HS2ST1: variants seen among roughly 807,000 people sequenced by gnomAD.
HS2ST1 encodes the protein 2-O-sulfotransferase.
Under a neutral mutation model 42.9 loss-of-function variants are expected in HS2ST1, and 18 were observed. The ratio of observed to expected loss-of-function variants is 0.42; its 90% CI spans 0.29 to 0.62. The LOEUF (loss-of-function observed/expected upper bound fraction) is 0.62. Among genes scored for constraint, HS2ST1 ranks in the 20% least tolerant of loss-of-function variants. The pLI is 0.21. For synonymous variants in HS2ST1, 146 were observed against 152.9 expected, an observed-to-expected ratio of 0.95 and a Z score of 0.33; for missense variants, 334 against 433.8, an observed-to-expected ratio of 0.77 and a Z score of 2.04.
intron 1 of HS2ST1, among the ~76,000 whole-genome samples, chr1:86,949,131 T>A (rs1647425822): frequency 6.6e-6 from 1 of 152,178 alleles, no homozygotes; most frequent in Non-Finnish European, 1.5e-5. Flanking sequence ...TATTTTAAGA[T>A]GGAGTCTTGC....
At chr1:86,987,367 C>T (rs1648818993) in intron 1 of HS2ST1, among the ~76,000 whole-genome samples, 1 of 152,084 alleles carries the variant, frequency 6.6e-6, no homozygotes, top group Non-Finnish European at 1.5e-5. Context: ...AGCCACCATG[C>T]CTGGCCCAAC....
At chr1:86,915,977 C>A (rs962406885) in intron 1 of HS2ST1, among the ~76,000 whole-genome samples, 1 of 152,076 alleles carries the variant, frequency 6.6e-6, no homozygotes, top group Non-Finnish European at 1.5e-5. Flanking sequence ...TAGGATTATG[C>A]GGAAAGCTAA....
At chr1:87,102,357 C>T (rs1652234015) in intron 5 of HS2ST1, among the ~76,000 whole-genome samples, 1 of 152,210 alleles carries the variant, frequency 6.6e-6, no homozygotes, top group South Asian at 2.1e-4. Flanking sequence ...CGCACCAGGC[C>T]CCCAGTCTTT....
At chr1:87,029,288 CAT>C (rs1479858136) in intron 1 of HS2ST1, among the ~76,000 whole-genome samples, 3 of 152,140 alleles carry the variant, frequency 2.0e-5, no homozygotes, top group Non-Finnish European at 2.9e-5. Context: ...TTAATAGTGT[CAT>C]GTGAATTATT....
chr1:87,050,949 A>G (rs2100613935), intron 1 of HS2ST1, among the ~76,000 whole-genome samples: 1 of 152,300 alleles, frequency 6.6e-6, no homozygotes, highest in East Asian at 1.9e-4. Context: ...ACTGTGCTAT[A>G]TGTAACATTA....
rs12086416 is a variant in HS2ST1 at position 87,088,805 on chromosome 1, T to C, written c.450-3726T>C. On this transcript the variant is annotated intron_variant, in intron 3 of 6. Coordinates refer to ENST00000370550, the MANE Select transcript of HS2ST1 (RefSeq NM_012262.4). ...GCCCCTTTTTAAGACATAAATTACT[T>C]TAAAAATATTTATTTACACTATCAT... Among the ~76,000 whole-genome samples, 1,003 of 152,112 alleles carry C rather than the reference T, an allele frequency of 6.6e-3. 18 individuals are homozygous for C. Among genetic ancestry groups the C allele is most frequent in the African/African-American group, 0.023 (974 of 41,538 alleles).
chr1:87,068,121 A>T (rs926296845), intron 1 of HS2ST1, among the ~76,000 whole-genome samples: 1 of 152,136 alleles, frequency 6.6e-6, no homozygotes, highest in Non-Finnish European at 1.5e-5. Context: ...TGGTAGCTTG[A>T]TGGGGATAGC....
intron 5 of HS2ST1, 43 bp from the exon 6 acceptor site, chr1:87,103,389 C>T: frequency 6.5e-7 from 1 of 1,542,434 alleles, no homozygotes; most frequent in Non-Finnish European, 8.7e-7. Flanking sequence ...AAACACTCAG[C>T]AGATTTCACA....
intron 1 of HS2ST1, among the ~76,000 whole-genome samples, chr1:86,985,616 T>C (rs1055671692): frequency 3.3e-5 from 5 of 151,004 alleles, no homozygotes; most frequent in Non-Finnish European, 7.4e-5. Context: ...TTAAAATAGA[T>C]TTTTGGAATA....
chr1:86,969,389 C>T (rs1040002767), intron 1 of HS2ST1, among the ~76,000 whole-genome samples: 35 of 151,398 alleles, frequency 2.3e-4, no homozygotes, highest in African/African-American at 6.3e-4. Context: ...GCTTTATAAA[C>T]GTGTGTGTGT....
chr1:86,985,545 C>T (rs1371991081), intron 1 of HS2ST1, among the ~76,000 whole-genome samples: 5 of 71,142 alleles, frequency 7.0e-5, no homozygotes, highest in East Asian at 7.1e-4. Flanking sequence ...TATATACACA[C>T]ATATATATAC....
intron 1 of HS2ST1, among the ~76,000 whole-genome samples, chr1:86,964,867 A>G (rs1557496510): frequency 6.6e-6 from 1 of 152,154 alleles, no homozygotes; most frequent in African/African-American, 2.4e-5. Context: ...AATGTTAGTA[A>G]TAGTAGATAC....
chr1:87,073,214 TC>T, intron 2 of HS2ST1, 42 bp downstream of exon 2: 1 of 1,339,676 alleles, frequency 7.5e-7, no homozygotes, highest in Non-Finnish European at 1.1e-6. Flanking sequence ...TTCTAATACT[TC>T]CTCACTCAAA....
intron 1 of HS2ST1, among the ~76,000 whole-genome samples, chr1:87,006,094 T>G (rs1649431490): frequency 6.6e-6 from 1 of 152,174 alleles, no homozygotes; most frequent in Non-Finnish European, 1.5e-5. Context: ...AAAAAATTTT[T>G]GTGAAAATCT....
chr1:87,016,879 G>T (rs1649775028), intron 1 of HS2ST1, among the ~76,000 whole-genome samples: 1 of 150,916 alleles, frequency 6.6e-6, no homozygotes, highest in Non-Finnish European at 1.5e-5. Context: ...TTTTTTTCAG[G>T]TTTTCACTTT....
At chr1:86,928,085 T>G (rs1307237958) in intron 1 of HS2ST1, among the ~76,000 whole-genome samples, 1 of 152,068 alleles carries the variant, frequency 6.6e-6, no homozygotes, top group African/African-American at 2.4e-5. Context: ...GCATAAACAT[T>G]CAAACTAAAA....
At chr1:86,999,091 T>G (rs985095613) in intron 1 of HS2ST1, among the ~76,000 whole-genome samples, 1 of 152,158 alleles carries the variant, frequency 6.6e-6, no homozygotes, top group African/African-American at 2.4e-5. Context: ...TACCACAGCA[T>G]GAAAGATCAA....
At chr1:86,926,143 G>T (rs1660411998) in intron 1 of HS2ST1, among the ~76,000 whole-genome samples, 1 of 152,160 alleles carries the variant, frequency 6.6e-6, no homozygotes, top group East Asian at 1.9e-4. Flanking sequence ...GTGCCCTTCA[G>T]AGTATTCCAC....
At chr1:86,923,999 G>A (rs1265706810) in intron 1 of HS2ST1, among the ~76,000 whole-genome samples, 1 of 152,186 alleles carries the variant, frequency 6.6e-6, no homozygotes, top group Non-Finnish European at 1.5e-5. Flanking sequence ...TCTGAGACAA[G>A]GCAAGTCCCT....
Sources: allele counts gnomAD v4.1 joint callset (sites outside exome capture counted in the v4.1 genomes callset), GRCh38; gene constraint gnomAD v4.1.1; transcripts MANE v1.5; gene names NCBI Gene and HGNC (gene_info 2026-07-23, HGNC 2026-07-21).